SLC6A4: variants seen among roughly 807,000 people sequenced by gnomAD.
SLC6A4 encodes the protein solute carrier family 6 member 4.
A neutral mutation model predicts 73.4 loss-of-function variants in SLC6A4; 22 were observed. The ratio of observed to expected loss-of-function variants is 0.30; its 90% CI spans 0.21 to 0.43. The LOEUF is 0.43. SLC6A4 is among the 20% of genes least tolerant of loss of function. The probability of loss-of-function intolerance (pLI) is 1.00; values close to 1 mark genes in which losing one functional copy is unlikely to be tolerated. For synonymous variants in SLC6A4, 270 were observed against 315.5 expected (o/e 0.86, Z 1.53); for missense variants, 593 against 808.5 (o/e 0.73, Z 3.23).
chr17:30,211,186 A>T lies in SLC6A4; in HGVS notation c.1317+126T>A. ...GCCGAGGAGTCAGCCGGGGGTCTGG[A>T]GCACCAGAAGGGAGTAGCCAAAGCT... is the stretch of plus-strand genomic sequence containing the variant. On this transcript the variant is annotated intron_variant, in intron 10 of 14. Coordinates refer to ENST00000650711, the MANE Select transcript of SLC6A4 (RefSeq NM_001045.6). This position sits in a 1 kb window ranked among gnomAD's most constrained non-coding sequence, Gnocchi z 4.0. 1.6e-6 allele frequency: 1 copy of T among 639,726 alleles called. No homozygotes were observed. The allele number at this position is 639,726 out of a possible 1,614,324, so 39.6% of individuals were successfully genotyped here. A position where few individuals can be genotyped will look rare whatever the true frequency, so the allele number is the denominator to read the frequency against.
At chr17:30,228,142 C>G (rs567322992) in intron 1 of SLC6A4, among the ~76,000 whole-genome samples, 5 of 152,370 alleles carry the variant, frequency 3.3e-5, no homozygotes, top group Admixed American at 6.5e-5. Context: ...CTGTTCACAA[C>G]CCATAGCTCT....
At chr17:30,220,814 C>G (rs533786113) in intron 3 of SLC6A4, among the ~76,000 whole-genome samples, 2 of 152,172 alleles carry the variant, frequency 1.3e-5, no homozygotes, top group African/African-American at 2.4e-5. Context: ...GAGGACAGAG[C>G]CTGGAGAATG....
At chr17:30,222,165 T>C in intron 2 of SLC6A4, 84 bp from the exon 3 acceptor site, 1 of 819,998 alleles carries the variant, frequency 1.2e-6, no homozygotes, top group Non-Finnish European at 1.9e-6. Flanking sequence ...CATCTTAAAC[T>C]ACATTAGTTA....
chr17:30,195,957 TA>T lies in SLC6A4; in HGVS notation c.*2498del, dbSNP rs1350521454. On this transcript the variant is annotated 3_prime_UTR_variant, in exon 15 of 15. Transcript: ENST00000650711. ...TCAGCCTCCCAAGTAGCAGGAATTA[TA>T]GGCGCCTGCCACCACATTCAGCTAA... The T allele has an allele frequency of 1.3e-5, 2 of 151,868 alleles. No individual in the cohort carries two copies. Among genetic ancestry groups the T allele is most frequent in the African/African-American group, 4.8e-5 (2 of 41,332 alleles). The allele number at this position is 151,868 out of a possible 1,614,324, so 9.4% of individuals were successfully genotyped here.
intron 3 of SLC6A4, 38 bp from the exon 4 acceptor site, chr17:30,218,969 G>T: frequency 6.2e-7 from 1 of 1,611,958 alleles, no homozygotes; most frequent in Non-Finnish European, 8.5e-7. Flanking sequence ...CCCTGCCCAC[G>T]TCTGTCCCAG....
chr17:30,232,014 C>T (rs940951763), intron 1 of SLC6A4, among the ~76,000 whole-genome samples: 3 of 152,212 alleles, frequency 2.0e-5, no homozygotes, highest in Non-Finnish European at 4.4e-5. Flanking sequence ...GAGCAGAACC[C>T]CTCCCTGGTC....
At chr17:30,230,428 G>C (rs555644613) in intron 1 of SLC6A4, among the ~76,000 whole-genome samples, 1 of 152,256 alleles carries the variant, frequency 6.6e-6, no homozygotes, top group South Asian at 2.1e-4. Context: ...GAACACATGG[G>C]AACATGTCCA....
Position 30,234,450 on chromosome 17 carries a change from G to A in SLC6A4, c.-221+1163C>T, listed in dbSNP as rs562687299. On this transcript the variant is annotated intron_variant, in intron 1 of 14. Transcript: ENST00000650711. ...GCTTCTCACTCATCCATATTGGAAC[G>A]GTCACTGCCACCCCAGAGTGCGTGG... 3.0e-4 allele frequency among the ~76,000 whole-genome samples: 46 copies of A among 152,254 alleles called. No homozygotes were observed. The South Asian group carries it at 3.9e-3, about 13-fold the overall frequency.
At chr17:30,205,732 G>T (rs931399060) in intron 13 of SLC6A4, among the ~76,000 whole-genome samples, 1 of 152,194 alleles carries the variant, frequency 6.6e-6, no homozygotes, top group African/African-American at 2.4e-5. Context: ...GGGTCTGGGG[G>T]AAAGGAAGTC....
At chr17:30,226,438 G>A (rs143330294) in intron 1 of SLC6A4, among the ~76,000 whole-genome samples, 134 of 152,338 alleles carry the variant, frequency 8.8e-4, no homozygotes, top group Non-Finnish European at 1.6e-3. Flanking sequence ...GCTGGCTCAC[G>A]CCTGTAATCC....
intron 1 of SLC6A4, among the ~76,000 whole-genome samples, chr17:30,223,167 C>T (rs1906824688): frequency 6.6e-6 from 1 of 152,236 alleles, no homozygotes; most frequent in Non-Finnish European, 1.5e-5. Context: ...GACTGTTCAA[C>T]TGCTCACTCT....
In SLC6A4 at chr17:30,203,175, T is replaced by G. The variant is rs6352; in HGVS notation, c.1815A>C (p.Lys605Asn). 3.2e-3 allele frequency: 5,237 copies of G among 1,612,818 alleles called. 93 individuals carry two copies. In the East Asian group the frequency reaches 0.038, roughly 12 times the overall value. Residue 605 changes from lysine to asparagine, a missense_variant, in exon 14 of 15, where the codon AAA (lysine) becomes AAC (asparagine). Lys to Asn is a moderately conservative substitution (Grantham distance 94, BLOSUM62 0). Coordinates refer to ENST00000650711, the MANE Select transcript of SLC6A4 (RefSeq NM_001045.6). ...ATACACACTAACTAGCACGTACCTC[T>G]TTAAATGTCCCTGGAGTGATGATCA... ...YRLIITPGTF[K>N]ERIIKSITPE...
intron 1 of SLC6A4, among the ~76,000 whole-genome samples, chr17:30,232,454 T>G (rs1385944686): frequency 6.6e-6 from 1 of 152,202 alleles, no homozygotes; most frequent in Non-Finnish European, 1.5e-5. Context: ...GGACATTGCC[T>G]CTCTGTCTCC....
At chr17:30,202,271 C>T (rs1219300901) in intron 14 of SLC6A4, among the ~76,000 whole-genome samples, 2 of 152,130 alleles carry the variant, frequency 1.3e-5, no homozygotes, top group East Asian at 1.9e-4. Context: ...ACTACAGGCA[C>T]GTGCCACCAT....
intron 1 of SLC6A4, among the ~76,000 whole-genome samples, chr17:30,224,314 G>T (rs1906864674): frequency 1.3e-5 from 2 of 152,090 alleles, no homozygotes; most frequent in South Asian, 4.1e-4. Flanking sequence ...TGCCTCCCGG[G>T]TTCAAGCGAT....
In SLC6A4 at chr17:30,222,924, A is replaced by G; in HGVS notation, c.-220-9T>C. 1 of 986,540 alleles carries G rather than the reference A, an allele frequency of 1.0e-6. No individual in the cohort carries two copies. The highest frequency in any genetic ancestry group is 1.4e-6 in the Non-Finnish European group (1 of 701,808). The allele number at this position is 986,540 out of a possible 1,614,324, so 61.1% of individuals were successfully genotyped here. On this transcript the variant is annotated splice_polypyrimidine_tract_variant and intron_variant, in intron 1 of 14. Coordinates refer to ENST00000650711, the MANE Select transcript of SLC6A4 (RefSeq NM_001045.6). ...CCTTGCCTCCAGGAGACCTAGGGAG[A>G]AGAGTGTGCAGGTTACTGATGCTGG...
At position 30,217,212 on chromosome 17, in the gene SLC6A4, G is replaced by A; in HGVS notation, c.791C>T (p.Thr264Ile). ...TTTCCAGATGCTGAAGTAGATAACAGTGAAGATCAGCATGATGCAGAGGGC... is the reference window on the plus strand; with the variant it reads ...TTTCCAGATGCTGAAGTAGATAACAATGAAGATCAGCATGATGCAGAGGGC... Reference protein sequence around the residue: ...QLALCIMLIFTVIYFSIWKGV... With the variant: ...QLALCIMLIFIVIYFSIWKGV... The change falls in exon 6 of 15, where the codon ACT becomes ATT. Residue 264 changes from threonine (T) to isoleucine (I), a missense_variant. Coordinates refer to ENST00000650711, the MANE Select transcript of SLC6A4 (RefSeq NM_001045.6). 3 of 1,614,078 alleles carry A rather than the reference G, an allele frequency of 1.9e-6. No individual in the cohort carries two copies. Among genetic ancestry groups the A allele is most frequent in the Non-Finnish European group, 2.5e-6 (3 of 1,179,924 alleles).
Position 30,203,248 on chromosome 17 carries a change from A to G in SLC6A4, c.1742T>C (p.Ile581Thr). 2 of 1,611,646 alleles carry G rather than the reference A, an allele frequency of 1.2e-6. No homozygotes were observed. Among genetic ancestry groups the G allele is most frequent in the Non-Finnish European group, 1.7e-6 (2 of 1,177,690 alleles). The change falls in exon 14 of 15, where the codon ATA becomes ACA. Residue 581 changes from isoleucine to threonine, a missense_variant. Physicochemically the swap from Ile to Thr is moderately conservative, Grantham distance 89. Coordinates refer to ENST00000650711, the MANE Select transcript of SLC6A4 (RefSeq NM_001045.6). ...GATGCAAATGAAAGATGAGGTTCCTATGCAGTAACCCAAGATGATACTCCA... is the reference window on the plus strand; with the variant it reads ...GATGCAAATGAAAGATGAGGTTCCTGTGCAGTAACCCAAGATGATACTCCA... ...PYWSIILGYC[I>T]GTSSFICIPT...
intron 1 of SLC6A4, among the ~76,000 whole-genome samples, chr17:30,232,568 T>G (rs1024869905): frequency 1.3e-5 from 2 of 152,138 alleles, no homozygotes; most frequent in African/African-American, 4.8e-5. Context: ...TAAATCCCAT[T>G]AACAAATCCC....
Sources: allele counts gnomAD v4.1 joint callset (sites outside exome capture counted in the v4.1 genomes callset), GRCh38; gene constraint gnomAD v4.1.1; non-coding constraint Gnocchi (gnomAD v3.1); transcripts MANE v1.5; gene names NCBI Gene and HGNC (gene_info 2026-07-23, HGNC 2026-07-21).